USP40: variants seen among roughly 807,000 people sequenced by gnomAD.
USP40 encodes ubiquitin specific peptidase 40.
A neutral mutation model predicts 166.2 loss-of-function variants in USP40; 143 were observed. That is an observed-to-expected ratio of 0.86 (90% CI 0.75 to 0.99). The LOEUF (loss-of-function observed/expected upper bound fraction) is 0.99, where lower values mean the gene tolerates loss of function less well. USP40 is among the 50% of genes least tolerant of loss of function. The probability of loss-of-function intolerance (pLI) is 0.00; values close to 1 mark genes in which losing one functional copy is unlikely to be tolerated. For missense variants in USP40, 1,444 were observed against 1,479.7 expected (o/e 0.98, Z 0.40); for synonymous variants, 498 against 524.0 (o/e 0.95, Z 0.68).
At position 233,499,203 on chromosome 2, in the gene USP40, C is replaced by T. The variant is rs150767740; in HGVS notation, c.2651-591G>A. Among the ~76,000 whole-genome samples, 1,447 of 150,182 alleles carry T rather than the reference C, an allele frequency of 9.6e-3. 25 individuals are homozygous for T. The highest frequency in any genetic ancestry group is 0.033 in the African/African-American group (1,335 of 40,634). On this transcript the variant is annotated intron_variant, in intron 22 of 31. Transcript: ENST00000678225. Reference sequence around the variant, plus strand: ...GGCCCCAATGTGTGTTATTCCCCTCCCTGTGTCCATGTGTTCTCATTGTTT... The same window carrying T: ...GGCCCCAATGTGTGTTATTCCCCTCTCTGTGTCCATGTGTTCTCATTGTTT...
At chr2:233,533,334 T>A in intron 11 of USP40, 145 bp downstream of exon 11, 1 of 777,340 alleles carries the variant, frequency 1.3e-6, no homozygotes, top group East Asian at 2.7e-5. Flanking sequence ...TCATTTGGCA[T>A]AATATAGTTC....
At chr2:233,525,344 C>A in intron 14 of USP40, 134 bp downstream of exon 14, 1 of 522,230 alleles carries the variant, frequency 1.9e-6, no homozygotes, top group Non-Finnish European at 3.4e-6. Context: ...GGAAAACTTA[C>A]AGTGTGAAGA....
At chr2:233,517,390 T>G (rs1289215386) in intron 18 of USP40, among the ~76,000 whole-genome samples, 4 of 146,762 alleles carry the variant, frequency 2.7e-5, no homozygotes, top group African/African-American at 7.5e-5. Context: ...TTTTTTGTTT[T>G]TTTTTTTTTT....
At chr2:233,489,510 A>C (rs985772042) in intron 26 of USP40, 27 bp from the exon 27 acceptor site, 1 of 1,544,096 alleles carries the variant, frequency 6.5e-7, no homozygotes, top group African/African-American at 1.4e-5. Flanking sequence ...ACATTTCTCC[A>C]ACGGTTTTAA....
chr2:233,559,412 T>C (rs1364038547), intron 4 of USP40, among the ~76,000 whole-genome samples: 1 of 152,230 alleles, frequency 6.6e-6, no homozygotes, highest in Non-Finnish European at 1.5e-5. Flanking sequence ...AAAAATTTAC[T>C]TACAATGTAA....
At chr2:233,544,015 C>T (rs1450508455) in intron 8 of USP40, among the ~76,000 whole-genome samples, 3 of 152,180 alleles carry the variant, frequency 2.0e-5, no homozygotes, top group East Asian at 3.8e-4. Context: ...CAGGTGACAG[C>T]ACAGACTCCA....
At chr2:233,478,023 C>T (rs2064286702) in intron 31 of USP40, among the ~76,000 whole-genome samples, 1 of 152,236 alleles carries the variant, frequency 6.6e-6, no homozygotes, top group Admixed American at 6.5e-5. Context: ...GTGCTTTGGC[C>T]CAGCCTGATG....
chr2:233,560,952 AG>A (rs2125399833), intron 3 of USP40: 1 of 705,584 alleles, frequency 1.4e-6, no homozygotes, highest in South Asian at 1.5e-5. Flanking sequence ...TTTATAAAGC[AG>A]TAGCAGTATT....
chr2:233,481,387 G>T, intron 30 of USP40, 90 bp from the exon 31 acceptor site: 1 of 1,108,080 alleles, frequency 9.0e-7, no homozygotes, highest in South Asian at 1.5e-5. Flanking sequence ...TACCTATATT[G>T]ACAAAAGAAC....
rs189414644 is a variant in USP40 at position 233,479,292 on chromosome 2, C to T, written c.3600-1789G>A. 2.5e-3 allele frequency among the ~76,000 whole-genome samples: 378 copies of T among 152,290 alleles called. 2 individuals carry two copies. Among genetic ancestry groups the T allele is most frequent in the Non-Finnish European group, 3.9e-3 (263 of 68,034 alleles). On this transcript the variant is annotated intron_variant, in intron 31 of 31. Coordinates refer to ENST00000678225, the MANE Select transcript of USP40 (RefSeq NM_001365479.2). ...TTAAATGTGGAAACAGAGCCAGGCG[C>T]GGTGGCTCACGCCTGTAATCCCAGT...
intron 14 of USP40, among the ~76,000 whole-genome samples, chr2:233,525,087 T>C (rs958744987): frequency 2.0e-5 from 3 of 152,238 alleles, no homozygotes; most frequent in African/African-American, 7.2e-5. Flanking sequence ...TCTCAAAGTA[T>C]TTCTTGTTTT....
At chr2:233,517,633 C>T (rs1355951918) in intron 18 of USP40, among the ~76,000 whole-genome samples, 1 of 152,098 alleles carries the variant, frequency 6.6e-6, no homozygotes, top group Non-Finnish European at 1.5e-5. Flanking sequence ...GTGGTCTCCC[C>T]GCCTCGGCCT....
intron 2 of USP40, among the ~76,000 whole-genome samples, chr2:233,564,306 GTCC>G (rs1180495045): frequency 2.6e-5 from 4 of 152,152 alleles, no homozygotes; most frequent in Non-Finnish European, 4.4e-5. Flanking sequence ...CAGGCTGTCT[GTCC>G]TCCTAATATG....
intron 18 of USP40, among the ~76,000 whole-genome samples, chr2:233,517,966 G>T (rs1300933190): frequency 6.6e-6 from 1 of 150,804 alleles, no homozygotes; most frequent in African/African-American, 2.4e-5. Flanking sequence ...TGATACGTGG[G>T]AGCTAAGCTA....
intron 21 of USP40, among the ~76,000 whole-genome samples, chr2:233,502,332 A>G (rs2066127831): frequency 1.3e-5 from 2 of 152,236 alleles, no homozygotes; most frequent in Admixed American, 1.3e-4. Flanking sequence ...TTACAGGTTG[A>G]GTATCCCTTA....
intron 10 of USP40, among the ~76,000 whole-genome samples, chr2:233,535,536 A>G (rs2068869358): frequency 6.6e-6 from 1 of 152,232 alleles, no homozygotes; most frequent in African/African-American, 2.4e-5. Context: ...AGGAAGGACC[A>G]TGACCCAGGG....
intron 2 of USP40, among the ~76,000 whole-genome samples, chr2:233,564,738 G>A (rs1487375163): frequency 6.6e-6 from 1 of 152,130 alleles, no homozygotes; most frequent in Non-Finnish European, 1.5e-5. Flanking sequence ...ATTCCCAGCA[G>A]GGTCTGGGCC....
Position 233,496,824 on chromosome 2 carries a change from T to C in USP40, c.2724A>G (p.Thr908=). 1.2e-6 allele frequency: 2 copies of C among 1,612,248 alleles called. No individual in the cohort carries two copies. Among genetic ancestry groups the C allele is most frequent in the Non-Finnish European group, 1.7e-6 (2 of 1,179,268 alleles). Residue 908 remains threonine, a synonymous_variant, in exon 24 of 32, where the codon ACA becomes ACG. Transcript: ENST00000678225. ...CAGAACATATCAGAAGTTCTTTCAG[T>C]GTTGCATCCTGGGAAGACAAAAATG... ...AGEPLCEEDA[T]LKELLICSGD... is the part of the protein sequence containing the mutation.
At chr2:233,498,434 T>C (rs925652059) in intron 23 of USP40, 114 bp downstream of exon 23, 11 of 926,500 alleles carry the variant, frequency 1.2e-5, no homozygotes, top group Non-Finnish European at 1.8e-5. Context: ...TTCATAGATA[T>C]TTGTATCCTA....
Sources: gnomAD v4.1 joint callset for allele counts (sites outside exome capture counted in the v4.1 genomes callset) on GRCh38, gnomAD v4.1.1 for gene constraint, MANE v1.5 for transcripts, NCBI Gene and HGNC (gene_info 2026-07-23, HGNC 2026-07-21) for gene names.